Variants in NEGR1 observed in about 807,000 individuals in gnomAD.
NEGR1 encodes neuronal growth regulator 1.
In NEGR1, 10 loss-of-function variants were observed where a neutral mutation model predicts 40.9. The ratio of observed to expected loss-of-function variants is 0.24; its 90% CI spans 0.15 to 0.42. The LOEUF is 0.42. Among genes scored for constraint, NEGR1 ranks in the 10% least tolerant of loss-of-function variants. The pLI, the probability that NEGR1 is intolerant of heterozygous loss-of-function variation, is 1.00. For synonymous variants in NEGR1, 185 were observed against 166.8 expected (o/e 1.11, Z -0.84); for missense variants, 352 against 438.9 (o/e 0.80, Z 1.77).
intron 1 of NEGR1, among the ~76,000 whole-genome samples, chr1:72,262,049 G>A (rs1388144132): frequency 6.6e-6 from 1 of 151,938 alleles, no homozygotes; most frequent in Non-Finnish European, 1.5e-5. Context: ...AATAAATACA[G>A]TATCATGAAA....
chr1:71,811,194 C>T (rs755830196), intron 2 of NEGR1, among the ~76,000 whole-genome samples: 11 of 151,982 alleles, frequency 7.2e-5, no homozygotes, highest in Admixed American at 1.3e-4. Flanking sequence ...ATCTCCATGA[C>T]GAAATATTAA....
intron 4 of NEGR1, among the ~76,000 whole-genome samples, chr1:71,688,211 G>A (rs1159891169): frequency 6.7e-6 from 1 of 149,032 alleles, no homozygotes; most frequent in African/African-American, 2.5e-5. Flanking sequence ...GACCCAGGTT[G>A]AATTTAAAGC....
chr1:72,048,139 T>G (rs1647019923), intron 1 of NEGR1, among the ~76,000 whole-genome samples: 1 of 151,652 alleles, frequency 6.6e-6, no homozygotes. Context: ...AGCCATCCTA[T>G]GCATCCCCGA....
chr1:71,902,642 G>A (rs189474005), intron 2 of NEGR1, among the ~76,000 whole-genome samples: 7 of 151,960 alleles, frequency 4.6e-5, no homozygotes, highest in South Asian at 2.1e-4. Flanking sequence ...TTATTTTGCC[G>A]CAATGATAAA....
At chr1:72,241,124 C>T (rs1003963426) in intron 1 of NEGR1, among the ~76,000 whole-genome samples, 3 of 151,606 alleles carry the variant, frequency 2.0e-5, no homozygotes, top group Admixed American at 6.6e-5. Context: ...TAATTTTTAT[C>T]GCTAATGTCA....
chr1:71,502,193 G>A (rs996658478), intron 6 of NEGR1, among the ~76,000 whole-genome samples: 3 of 152,196 alleles, frequency 2.0e-5, no homozygotes, highest in Non-Finnish European at 4.4e-5. Context: ...GGAACAGAAT[G>A]TAGAGGAGGG....
At chr1:71,871,754 T>A (rs1490696288) in intron 2 of NEGR1, among the ~76,000 whole-genome samples, 1 of 152,204 alleles carries the variant, frequency 6.6e-6, no homozygotes, top group African/African-American at 2.4e-5. Context: ...ACAGATATAT[T>A]GTTTTTTTAT....
At chr1:71,417,888 G>C (rs1469889194) in intron 6 of NEGR1, among the ~76,000 whole-genome samples, 2 of 152,154 alleles carry the variant, frequency 1.3e-5, no homozygotes, top group South Asian at 4.1e-4. Context: ...AGGAGATCAT[G>C]TGTATCTCAG....
intron 2 of NEGR1, among the ~76,000 whole-genome samples, chr1:71,881,631 T>A (rs2101843643): frequency 6.6e-6 from 1 of 152,212 alleles, no homozygotes; most frequent in South Asian, 2.1e-4. Flanking sequence ...TATTGACTGT[T>A]AAATTTGAAG....
intron 2 of NEGR1, among the ~76,000 whole-genome samples, chr1:71,868,569 GCTGTTCATACAAAA>G (rs754791641): frequency 6.6e-5 from 10 of 152,128 alleles, no homozygotes; most frequent in Admixed American, 4.6e-4. Context: ...GAACTTGCAA[GCTGTTCATACAAAA>G]AAGGGCCCCT....
intron 1 of NEGR1, among the ~76,000 whole-genome samples, chr1:72,149,942 G>A (rs1323055930): frequency 1.4e-5 from 2 of 148,052 alleles, no homozygotes; most frequent in East Asian, 2.0e-4. Context: ...AAACACCAAG[G>A]ACAAGTATCC....
At chr1:71,934,798 T>A (rs867292265) in intron 2 of NEGR1, among the ~76,000 whole-genome samples, 18 of 152,220 alleles carry the variant, frequency 1.2e-4, no homozygotes, top group Middle Eastern at 6.8e-3. Flanking sequence ...ATGACTACAA[T>A]ACTTGCATAC....
chr1:71,446,722 G>C (rs1646584984), intron 6 of NEGR1, among the ~76,000 whole-genome samples: 1 of 152,104 alleles, frequency 6.6e-6, no homozygotes, highest in Non-Finnish European at 1.5e-5. Flanking sequence ...TTGGAAAAGT[G>C]CATAAATTGG....
chr1:71,643,977 A>G (rs572954604), intron 4 of NEGR1, among the ~76,000 whole-genome samples: 16 of 152,032 alleles, frequency 1.1e-4, no homozygotes, highest in Non-Finnish European at 1.9e-4. Flanking sequence ...ACACTGCCAC[A>G]GAGAAAGAAA....
intron 1 of NEGR1, among the ~76,000 whole-genome samples, chr1:72,125,688 A>C (rs1023394271): frequency 2.6e-5 from 4 of 152,170 alleles, no homozygotes; most frequent in African/African-American, 9.6e-5. Context: ...TCAAAGTATG[A>C]AGTAATGAGG....
At chr1:71,408,345 G>A (rs1194567331) in intron 6 of NEGR1, among the ~76,000 whole-genome samples, 1 of 151,900 alleles carries the variant, frequency 6.6e-6, no homozygotes, top group African/African-American at 2.4e-5. Context: ...CTACTGTAAT[G>A]AAAAAGGGAC....
intron 6 of NEGR1, among the ~76,000 whole-genome samples, chr1:71,511,771 ATTAG>A (rs1204177069): frequency 1.2e-4 from 18 of 152,332 alleles, no homozygotes; most frequent in Non-Finnish European, 1.6e-4. Context: ...CACTGAAAAG[ATTAG>A]TTAAAGACAC....
At chr1:71,675,126 T>TATATATATATATATATATATACATAC (rs145354058) in intron 4 of NEGR1, among the ~76,000 whole-genome samples, 2 of 77,794 alleles carry the variant, frequency 2.6e-5, no homozygotes, top group African/African-American at 8.2e-5. Flanking sequence ...TATATATATA[T>TATATATATATATATATATATACATAC]ACACACACAC....
At chr1:71,643,527 T>C (rs1406712216) in intron 4 of NEGR1, among the ~76,000 whole-genome samples, 1 of 152,028 alleles carries the variant, frequency 6.6e-6, no homozygotes, top group Non-Finnish European at 1.5e-5. Flanking sequence ...CCTTTTATGT[T>C]GACTCTGTGT....
Sources: allele counts gnomAD v4.1 joint callset (sites outside exome capture counted in the v4.1 genomes callset), GRCh38; gene constraint gnomAD v4.1.1; transcripts MANE v1.5; gene names NCBI Gene and HGNC (gene_info 2026-07-23, HGNC 2026-07-21).